Variants in SYNE2 observed in about 807,000 individuals in gnomAD.
The protein encoded by SYNE2 is nesprin-2.
Under a neutral mutation model 856.3 loss-of-function variants are expected in SYNE2, and 431 were observed. The ratio of observed to expected loss-of-function variants is 0.50; its 90% CI spans 0.47 to 0.55. SYNE2 has a LOEUF of 0.55. SYNE2 is among the 20% of genes least tolerant of loss of function. SYNE2 has a pLI of 0.00. For synonymous variants in SYNE2, 2,923 were observed against 2,872.3 expected, an observed-to-expected ratio of 1.02 and a Z score of -0.56; for missense variants, 8,129 against 8,023.2, an observed-to-expected ratio of 1.01 and a Z score of -0.50.
At chr14:64,108,459 G>GT (rs2097785263) in intron 65 of SYNE2, among the ~76,000 whole-genome samples, 1 of 152,128 alleles carries the variant, frequency 6.6e-6, no homozygotes, top group African/African-American at 2.4e-5. Flanking sequence ...TTGTACCTCA[G>GT]TTGTTCTCAA....
At chr14:63,903,852 T>A (rs1044769269) in intron 1 of SYNE2, among the ~76,000 whole-genome samples, 4 of 152,122 alleles carry the variant, frequency 2.6e-5, no homozygotes, top group African/African-American at 9.7e-5. Flanking sequence ...TATATTTTTT[T>A]AAATTTCAAC....
intron 10 of SYNE2, among the ~76,000 whole-genome samples, chr14:63,964,451 T>C (rs2096363555): frequency 6.6e-6 from 1 of 152,270 alleles, no homozygotes; most frequent in Non-Finnish European, 1.5e-5. Context: ...TTTACTGTCT[T>C]GCCCCTTACA....
At chr14:64,217,186 G>A (rs2098670542) in intron 108 of SYNE2, among the ~76,000 whole-genome samples, 1 of 152,300 alleles carries the variant, frequency 6.6e-6, no homozygotes, top group Non-Finnish European at 1.5e-5. Context: ...TCTCACCTGA[G>A]GCTAAAGCTA....
chr14:64,039,467 T>C (rs1045659920), intron 45 of SYNE2, among the ~76,000 whole-genome samples: 2 of 152,214 alleles, frequency 1.3e-5, no homozygotes, highest in Admixed American at 6.5e-5. Context: ...AATGTCGTGG[T>C]CCTGCCCTTA....
chr14:63,831,231 C>T (rs4902247), intron 1 of SYNE2, among the ~76,000 whole-genome samples: 96,190 of 151,818 alleles, frequency 0.63, 30,940 homozygotes, highest in South Asian at 0.77. Context: ...ATGGGTGGTA[C>T]GTATCTTCAG....
intron 32 of SYNE2, among the ~76,000 whole-genome samples, chr14:64,012,308 C>T (rs2096852774): frequency 6.6e-6 from 1 of 152,162 alleles, no homozygotes; most frequent in Non-Finnish European, 1.5e-5. Context: ...AACTTCTCAC[C>T]TTCTACCTGA....
chr14:64,088,291 C>T (rs760666535), intron 58 of SYNE2, among the ~76,000 whole-genome samples: 1 of 152,180 alleles, frequency 6.6e-6, no homozygotes, highest in Non-Finnish European at 1.5e-5. Flanking sequence ...TTATATTTTA[C>T]TTTACTTTGC....
chr14:64,027,853 C>T (rs1046672335), intron 43 of SYNE2, 60 bp downstream of exon 43: 1 of 1,274,374 alleles, frequency 7.8e-7, no homozygotes, highest in African/African-American at 1.5e-5. Context: ...GTATGCAAGA[C>T]ATATGTGGAA....
intron 96 of SYNE2, among the ~76,000 whole-genome samples, chr14:64,178,739 G>T (rs948492636): frequency 6.6e-6 from 1 of 152,148 alleles, no homozygotes; most frequent in Admixed American, 6.5e-5. Flanking sequence ...CAGGCGCCCA[G>T]CCTGCTGTCA....
At chr14:64,030,895 A>G (rs926055401) in intron 44 of SYNE2, 121 bp from the exon 45 acceptor site, 1 of 776,798 alleles carries the variant, frequency 1.3e-6, no homozygotes, top group Admixed American at 2.5e-5. Context: ...TCTATGTGAT[A>G]TGAGTTGTTA....
rs758886763 is a variant in SYNE2 at position 64,052,390 on chromosome 14, C to T, written c.8477C>T (p.Ser2826Leu). 5.0e-6 allele frequency: 8 copies of T among 1,613,848 alleles called. No individual in the cohort carries two copies. The highest frequency in any genetic ancestry group is 6.8e-6 in the Non-Finnish European group (8 of 1,179,990). ...CTGGTTTTAAAATCAACTCAAAGATCACAGCAATTAGAATTTAAGTTGGAA... is the reference window on the plus strand; with the variant it reads ...CTGGTTTTAAAATCAACTCAAAGATTACAGCAATTAGAATTTAAGTTGGAA... The part of the protein sequence containing the change: ...QMLVLKSTQR[S>L]QQLEFKLEER... Residue 2826 changes from serine to leucine, a missense_variant, in exon 48 of 116, where the codon TCA (serine) becomes TTA (leucine). This residue lies in a region of SYNE2 where 5,410 missense variants were observed against 5,284.8 expected (regional missense o/e 1.02). Transcript: ENST00000555002.
rs1307202660 is a variant in SYNE2 at position 63,803,301 on chromosome 14, G to A, written c.-305+41315G>A. Among the ~76,000 whole-genome samples, 4 of 152,352 alleles carry A rather than the reference G, an allele frequency of 2.6e-5. No homozygotes were observed. In the East Asian group the frequency reaches 5.8e-4, roughly 22 times the overall value. ...CTTTGGGTGGTCGATGGGACTGGGC[G>A]CCATGGAGCAGGGGGTGGTGCTAGT... On this transcript the variant is annotated intron_variant, in intron 1 of 23. Coordinates refer to the SYNE2 transcript ENST00000674003.
chr14:64,100,277 C>T, intron 63 of SYNE2: 1 of 151,404 alleles, frequency 6.6e-6, no homozygotes, highest in East Asian at 1.9e-4. Context: ...GGGAATTGAA[C>T]AATGAGAACA....
At chr14:64,159,840 G>A (rs2098314405) in intron 87 of SYNE2, among the ~76,000 whole-genome samples, 1 of 152,194 alleles carries the variant, frequency 6.6e-6, no homozygotes, top group African/African-American at 2.4e-5. Flanking sequence ...GAAAGGGGAT[G>A]TTAGAGTATC....
At chr14:63,817,442 G>A (rs992422552) in intron 1 of SYNE2, among the ~76,000 whole-genome samples, 1 of 152,012 alleles carries the variant, frequency 6.6e-6, no homozygotes, top group Non-Finnish European at 1.5e-5. Context: ...ACTCCAGCCT[G>A]GGTGACAGAG....
intron 18 of SYNE2, among the ~76,000 whole-genome samples, chr14:63,985,880 C>T (rs1189341642): frequency 6.6e-6 from 1 of 152,048 alleles, no homozygotes. Context: ...TAGTGGCATA[C>T]ACCTGTAATT....
chr14:63,942,713 T>G (rs2095940798), intron 6 of SYNE2, among the ~76,000 whole-genome samples: 1 of 152,156 alleles, frequency 6.6e-6, no homozygotes, highest in Admixed American at 6.5e-5. Context: ...CAGGCTGGAC[T>G]TGAACTCCTG....
chr14:64,038,302 C>G (rs1390798180), intron 45 of SYNE2, among the ~76,000 whole-genome samples: 14 of 152,268 alleles, frequency 9.2e-5, no homozygotes, highest in African/African-American at 3.1e-4. Flanking sequence ...GGAAGAGGCG[C>G]TCCTCACTTC....
chr14:64,186,485 C>A lies in SYNE2; in HGVS notation c.17618C>A (p.Ala5873Glu), dbSNP rs563482043. ...QNLKELQTMK[A>E]DLTRHVLVED... ...TTGAAAGAACTTCAAACTATGAAGG[C>A]GGACTTAACCCGGCACGTTCTCGTG... The change falls in exon 97 of 116, where the codon GCG (alanine) becomes GAG (glutamate). Residue 5873 changes from alanine (A) to glutamate (E), a missense_variant. This residue lies in a region of SYNE2 where 5,410 missense variants were observed against 5,284.8 expected (regional missense o/e 1.02). Coordinates refer to ENST00000555002, the MANE Select transcript of SYNE2 (RefSeq NM_182914.3). 136 of 1,614,196 alleles carry A rather than the reference C, an allele frequency of 8.4e-5. 2 individuals are homozygous for A. The South Asian group carries it at 1.3e-3, about 16-fold the overall frequency.
Sources: gnomAD v4.1 joint callset for allele counts (sites outside exome capture counted in the v4.1 genomes callset) on GRCh38, gnomAD v4.1.1 for gene constraint, gnomAD v4.1.1 regional missense constraint, MANE v1.5 for transcripts, NCBI Gene and HGNC (gene_info 2026-07-23, HGNC 2026-07-21) for gene names.